The following DLD variants were observed in gnomAD, a reference collection of about 807,000 sequenced individuals.
DLD encodes dihydrolipoyl dehydrogenase, mitochondrial.
A neutral mutation model predicts 62.2 loss-of-function variants in DLD; 36 were observed. That is an observed-to-expected ratio of 0.58 (90% CI 0.44 to 0.76). The LOEUF (loss-of-function observed/expected upper bound fraction) is 0.76, where lower values mean the gene tolerates loss of function less well. DLD is among the 30% of genes least tolerant of loss of function. The pLI, the probability that DLD is intolerant of heterozygous loss-of-function variation, is 0.00. For missense variants in DLD, 541 were observed against 608.6 expected (o/e 0.89, Z 1.17); for synonymous variants, 204 against 199.6 (o/e 1.02, Z -0.19).
In DLD at chr7:107,893,190, CT is replaced by C; in HGVS notation, c.40-5del. 2 of 1,611,424 alleles carry C rather than the reference CT, an allele frequency of 1.2e-6. No individual in the cohort carries two copies. The highest frequency in any genetic ancestry group is 1.7e-6 in the Non-Finnish European group (2 of 1,178,120). On this transcript the variant is annotated splice_polypyrimidine_tract_variant and intron_variant, in intron 1 of 13. Coordinates refer to ENST00000205402, the MANE Select transcript of DLD (RefSeq NM_000108.5). ...ATATCTTACATAATAGGGACATTTT[CT>C]TTTTCTAGAGAGGCCATTTCAATCG...
chr7:107,919,774 T>TA lies in DLD; in HGVS notation c.*518dup, dbSNP rs1159554338. 1.3e-5 allele frequency: 2 copies of TA among 154,592 alleles called. No individual in the cohort carries two copies. Among genetic ancestry groups the TA allele is most frequent in the East Asian group, 3.7e-4 (2 of 5,418 alleles). The allele number at this position is 154,592 out of a possible 1,614,324, so 9.6% of individuals were successfully genotyped here. A position where few individuals can be genotyped will look rare whatever the true frequency, so the allele number is the denominator to read the frequency against. On this transcript the variant is annotated 3_prime_UTR_variant, in exon 14 of 14. Coordinates refer to ENST00000205402, the MANE Select transcript of DLD (RefSeq NM_000108.5). ...TCTCTCACTTGTTTTATTTAACCTC[T>TA]AAATTCTTTCATTTTAGGGGTAGCA... is the stretch of plus-strand genomic sequence containing the variant.
intron 11 of DLD, 24 bp downstream of exon 11, chr7:107,917,486 T>C (rs775025939): frequency 1.2e-6 from 2 of 1,612,228 alleles, no homozygotes; most frequent in South Asian, 2.2e-5. Context: ...TGGGTGGTTT[T>C]AAGCCAATGT....
intron 8 of DLD, among the ~76,000 whole-genome samples, chr7:107,906,736 C>T (rs1002965003): frequency 6.6e-6 from 1 of 152,024 alleles, no homozygotes; most frequent in African/African-American, 2.4e-5. Flanking sequence ...TTGGCTCTTC[C>T]CTTCTCTATC....
chr7:107,914,779 A>G (rs1474649959), intron 8 of DLD, among the ~76,000 whole-genome samples: 1 of 152,150 alleles, frequency 6.6e-6, no homozygotes, highest in East Asian at 1.9e-4. Flanking sequence ...CTTGCCAGTT[A>G]TGTATTGTTT....
chr7:107,896,102 G>A (rs1177511560), intron 2 of DLD, among the ~76,000 whole-genome samples: 3 of 152,238 alleles, frequency 2.0e-5, no homozygotes, highest in Non-Finnish European at 4.4e-5. Flanking sequence ...TAGGAGATGA[G>A]GCTGGAGAAA....
At chr7:107,892,821 T>C (rs986592917) in intron 1 of DLD, among the ~76,000 whole-genome samples, 20 of 152,234 alleles carry the variant, frequency 1.3e-4, no homozygotes, top group African/African-American at 4.8e-4. Context: ...GTGTTGGCAT[T>C]ACAGGCGTGA....
At chr7:107,910,074 C>T (rs1017732647) in intron 8 of DLD, among the ~76,000 whole-genome samples, 5 of 152,032 alleles carry the variant, frequency 3.3e-5, no homozygotes, top group Admixed American at 6.5e-5. Context: ...CCAGGCTGGT[C>T]TTGAACTCCT....
intron 2 of DLD, among the ~76,000 whole-genome samples, chr7:107,896,911 A>G (rs761481988): frequency 1.3e-4 from 19 of 151,112 alleles, no homozygotes; most frequent in Non-Finnish European, 1.9e-4. Context: ...ATCTTGGCTC[A>G]CTGCAACTCC....
chr7:107,914,117 A>G (rs759679474), intron 8 of DLD, among the ~76,000 whole-genome samples: 5 of 151,964 alleles, frequency 3.3e-5, no homozygotes, highest in South Asian at 2.1e-4. Flanking sequence ...GTTGAATTCA[A>G]TTCATTGTGG....
rs181378517 is a variant in DLD at position 107,916,053 on chromosome 7, T to C, written c.875+357T>C. Among the ~76,000 whole-genome samples the C allele has an allele frequency of 4.1e-3, 632 of 152,330 alleles. 8 individuals are homozygous for C. The highest frequency in any genetic ancestry group is 0.015 in the African/African-American group (614 of 41,590). Reference sequence around the variant, plus strand: ...CTGGTACTCTACTGATTAAATACTTTAATGGCATTTAACTTATTGAATTAG... The same window carrying C: ...CTGGTACTCTACTGATTAAATACTTCAATGGCATTTAACTTATTGAATTAG... On this transcript the variant is annotated intron_variant, in intron 9 of 13. Coordinates refer to ENST00000205402, the MANE Select transcript of DLD (RefSeq NM_000108.5).
intron 8 of DLD, among the ~76,000 whole-genome samples, chr7:107,910,974 T>A (rs989655442): frequency 1.3e-5 from 2 of 152,204 alleles, no homozygotes; most frequent in Non-Finnish European, 2.9e-5. Flanking sequence ...TTTTGTCTTG[T>A]TTGCTTTTTA....
At chr7:107,893,964 A>G (rs1311557430) in intron 2 of DLD, among the ~76,000 whole-genome samples, 2 of 152,212 alleles carry the variant, frequency 1.3e-5, no homozygotes, top group Admixed American at 1.3e-4. Context: ...CACTGTTTAG[A>G]ATGATGAGAT....
chr7:107,917,968 C>T lies in DLD; in HGVS notation c.1281C>T (p.Ser427=). ...GGAAATTCCCATTTGCTGCTAACAG[C>T]AGAGCTAAGACAAATGCTGACACAG... is the stretch of plus-strand genomic sequence containing the variant. ...KVGKFPFAAN[S]RAKTNADTDG... The change falls in exon 12 of 14, where the codon AGC becomes AGT. Residue 427 remains serine (S), a synonymous_variant. Coordinates refer to ENST00000205402, the MANE Select transcript of DLD (RefSeq NM_000108.5). 2 of 1,614,054 alleles carry T rather than the reference C, an allele frequency of 1.2e-6. No individual in the cohort carries two copies. Among genetic ancestry groups the T allele is most frequent in the Non-Finnish European group, 1.7e-6 (2 of 1,179,950 alleles).
chr7:107,892,827 C>T (rs942415331), intron 1 of DLD, among the ~76,000 whole-genome samples: 1 of 152,148 alleles, frequency 6.6e-6, no homozygotes, highest in African/African-American at 2.4e-5. Context: ...GCATTACAGG[C>T]GTGAGCCACC....
chr7:107,917,470 T>C lies in DLD; in HGVS notation c.1236+8T>C, dbSNP rs535829153. The C allele has an allele frequency of 1.2e-6, 2 of 1,614,094 alleles. No individual in the cohort carries two copies. The highest frequency in any genetic ancestry group is 1.7e-6 in the Non-Finnish European group (2 of 1,179,950). On this transcript the variant is annotated splice_region_variant and intron_variant, in intron 11 of 13. Transcript: ENST00000205402. ...GAGCAGTTGAAAGAAGAGGTAAGTC[T>C]GAACATGGGTGGTTTTAAGCCAATG... is the stretch of plus-strand genomic sequence containing the variant.
chr7:107,891,176 G>A (rs1584453206), upstream of DLD: 21 of 1,577,526 alleles, frequency 1.3e-5, no homozygotes, highest in Non-Finnish European at 1.7e-5. Flanking sequence ...GCGCAGGGAG[G>A]GGAGACCTTG....
At chr7:107,915,066 A>T (rs891324371) in intron 8 of DLD, among the ~76,000 whole-genome samples, 2 of 152,164 alleles carry the variant, frequency 1.3e-5, no homozygotes, top group African/African-American at 2.4e-5. Flanking sequence ...TTTTGTGCAA[A>T]TGTCACTCCC....
At chr7:107,903,611 G>C (rs1484148271) in intron 5 of DLD, 64 bp downstream of exon 5, 4 of 923,232 alleles carry the variant, frequency 4.3e-6, no homozygotes, top group Non-Finnish European at 7.1e-6. Context: ...TCTGTCTAAA[G>C]ACTTAAATGT....
At chr7:107,902,988 T>C (rs186262205) in intron 4 of DLD, among the ~76,000 whole-genome samples, 3 of 152,328 alleles carry the variant, frequency 2.0e-5, no homozygotes, top group Admixed American at 1.3e-4. Flanking sequence ...CAATTGTATA[T>C]ATTTATGGCA....
Sources: gnomAD v4.1 joint callset for allele counts (sites outside exome capture counted in the v4.1 genomes callset) on GRCh38, gnomAD v4.1.1 for gene constraint, MANE v1.5 for transcripts, NCBI Gene and HGNC (gene_info 2026-07-23, HGNC 2026-07-21) for gene names.